The following GRM7 variants were observed in gnomAD, a reference collection of about 807,000 sequenced individuals.
GRM7 encodes glutamate metabotropic receptor 7.
GRM7 carries 35 observed loss-of-function variants against 84.5 expected under a neutral mutation model. That is an observed-to-expected ratio of 0.41 (90% confidence interval 0.32 to 0.55). The LOEUF is 0.55. GRM7 is among the 20% of genes least tolerant of loss of function. GRM7 has a pLI of 0.19. For missense variants in GRM7, 1,003 were observed against 1,194.6 expected (o/e 0.84, Z 2.36); for synonymous variants, 487 against 455.1 (o/e 1.07, Z -0.89).
intron 8 of GRM7, among the ~76,000 whole-genome samples, chr3:7,671,751 G>A (rs1559478376): frequency 6.6e-6 from 1 of 151,730 alleles, no homozygotes; most frequent in African/African-American, 2.4e-5. Flanking sequence ...CAGAGTATGA[G>A]GCCATCTAAT....
chr3:7,713,240 G>A (rs1019437779), intron 9 of GRM7, among the ~76,000 whole-genome samples: 5 of 145,036 alleles, frequency 3.4e-5, no homozygotes, highest in Non-Finnish European at 6.0e-5. Flanking sequence ...AGGTTCAAGC[G>A]ATTCTTCTTC....
chr3:6,992,895 C>T (rs778578511), intron 1 of GRM7, among the ~76,000 whole-genome samples: 15 of 152,308 alleles, frequency 9.8e-5, no homozygotes, highest in African/African-American at 3.1e-4. Flanking sequence ...CAATGCAGCA[C>T]CCTGTGACAC....
intron 1 of GRM7, among the ~76,000 whole-genome samples, chr3:6,883,851 A>G (rs1304218891): frequency 6.6e-6 from 1 of 152,194 alleles, no homozygotes; most frequent in Non-Finnish European, 1.5e-5. Flanking sequence ...GTTGTCAAGT[A>G]GGGCAAGTAG....
intron 9 of GRM7, chr3:7,691,381 C>A: frequency 3.3e-6 from 2 of 604,940 alleles, no homozygotes; most frequent in South Asian, 2.1e-5. Context: ...ATCTTTTTCT[C>A]TGGTCAAGAA....
chr3:6,883,290 G>C (rs1260690630), intron 1 of GRM7, among the ~76,000 whole-genome samples: 2 of 151,542 alleles, frequency 1.3e-5, no homozygotes, highest in Non-Finnish European at 2.9e-5. Context: ...TTATTATTTT[G>C]TTATAGTTTT....
chr3:6,864,689 A>G (rs1394762404), intron 1 of GRM7, among the ~76,000 whole-genome samples: 1 of 152,194 alleles, frequency 6.6e-6, no homozygotes, highest in African/African-American at 2.4e-5. Context: ...ATATACGTTT[A>G]TAGTGAGATA....
At chr3:7,194,884 A>C (rs1469622417) in intron 2 of GRM7, among the ~76,000 whole-genome samples, 7 of 152,214 alleles carry the variant, frequency 4.6e-5, no homozygotes, top group African/African-American at 1.7e-4. Context: ...TGCTTTACGA[A>C]ATTGTCTTGC....
At chr3:7,299,596 T>C (rs556452262) in intron 3 of GRM7, among the ~76,000 whole-genome samples, 99 of 152,360 alleles carry the variant, frequency 6.5e-4, no homozygotes, top group African/African-American at 2.3e-3. Flanking sequence ...AAGTTTCTTG[T>C]ATATCCTTGT....
intron 7 of GRM7, among the ~76,000 whole-genome samples, chr3:7,497,372 A>G (rs921749690): frequency 1.3e-5 from 2 of 152,126 alleles, no homozygotes; most frequent in African/African-American, 4.8e-5. Context: ...TACTTCTCTC[A>G]TGGAGTATAA....
intron 1 of GRM7, among the ~76,000 whole-genome samples, chr3:7,099,576 G>A (rs12634134): frequency 0.12 from 9,993 of 86,300 alleles, 98 homozygotes; most frequent in African/African-American, 0.24. Flanking sequence ...TTATACATGT[G>A]CACATATATG....
intron 8 of GRM7, among the ~76,000 whole-genome samples, chr3:7,665,315 G>A (rs1335387673): frequency 6.6e-6 from 1 of 151,878 alleles, no homozygotes; most frequent in Non-Finnish European, 1.5e-5. Context: ...GGGACTACAG[G>A]TGCCCGCCAC....
intron 4 of GRM7, among the ~76,000 whole-genome samples, chr3:7,322,326 C>T (rs1465705326): frequency 1.3e-5 from 2 of 152,034 alleles, no homozygotes; most frequent in Non-Finnish European, 2.9e-5. Context: ...AATATATCTG[C>T]TGAAATTTGG....
chr3:6,939,239 G>C (rs1453359278), intron 1 of GRM7, among the ~76,000 whole-genome samples: 1 of 152,076 alleles, frequency 6.6e-6, no homozygotes, highest in Non-Finnish European at 1.5e-5. Flanking sequence ...GGCTTTAGTT[G>C]TAATAAGAAA....
intron 4 of GRM7, among the ~76,000 whole-genome samples, chr3:7,357,543 A>G (rs1693464660): frequency 6.6e-6 from 1 of 152,134 alleles, no homozygotes; most frequent in Non-Finnish European, 1.5e-5. Flanking sequence ...TTAAAAGTAA[A>G]AGATACCCTG....
chr3:7,338,253 CCAAA>C (rs1277286058), intron 4 of GRM7, among the ~76,000 whole-genome samples: 1 of 151,600 alleles, frequency 6.6e-6, no homozygotes, highest in African/African-American at 2.4e-5. Context: ...AAATGGAAAA[CCAAA>C]CATTCTATAT....
chr3:7,248,083 C>T (rs1019418605), intron 2 of GRM7, among the ~76,000 whole-genome samples: 22 of 152,280 alleles, frequency 1.4e-4, no homozygotes, highest in African/African-American at 4.8e-4. Flanking sequence ...AAGTTAATCA[C>T]CTATCTGGTT....
At chr3:7,157,942 G>T (rs940506999) in intron 2 of GRM7, among the ~76,000 whole-genome samples, 1 of 152,066 alleles carries the variant, frequency 6.6e-6, no homozygotes, top group Non-Finnish European at 1.5e-5. Context: ...CTCATCGCAC[G>T]CTGGGATAAG....
intron 4 of GRM7, among the ~76,000 whole-genome samples, chr3:7,337,750 TA>T (rs1701476943): frequency 6.6e-6 from 1 of 151,404 alleles, no homozygotes; most frequent in South Asian, 2.1e-4. Context: ...AAAAATAAAT[TA>T]AAAAAAGATA....
intron 7 of GRM7, among the ~76,000 whole-genome samples, chr3:7,518,616 T>C (rs1188051053): frequency 6.6e-6 from 1 of 152,168 alleles, no homozygotes; most frequent in Non-Finnish European, 1.5e-5. Context: ...ACATCAAAAA[T>C]ATAATACCAG....
Sources: gnomAD v4.1 joint callset for allele counts (sites outside exome capture counted in the v4.1 genomes callset) on GRCh38, gnomAD v4.1.1 for gene constraint, MANE v1.5 for transcripts, NCBI Gene and HGNC (gene_info 2026-07-23, HGNC 2026-07-21) for gene names.